The following ZNF254 variants were observed in gnomAD, a reference collection of about 807,000 sequenced individuals.
The protein encoded by ZNF254 is zinc finger protein 254, also known as CTD-2017D11.1.
Under a neutral mutation model 12.4 loss-of-function variants are expected in ZNF254, and 10 were observed. The ratio of observed to expected loss-of-function variants is 0.80; its 90% CI spans 0.50 to 1.36. ZNF254 has a LOEUF of 1.36. Among genes scored for constraint, ZNF254 ranks in the 40% most tolerant of loss-of-function variants. ZNF254 has a pLI of 0.00. For missense variants in ZNF254, 996 were observed against 763.9 expected, an observed-to-expected ratio of 1.30 and a Z score of -3.58; for synonymous variants, 305 against 253.4, an observed-to-expected ratio of 1.20 and a Z score of -1.93.
chr19:24,119,633 T>G (rs910528812), intron 3 of ZNF254, among the ~76,000 whole-genome samples: 7 of 152,068 alleles, frequency 4.6e-5, no homozygotes, highest in African/African-American at 1.4e-4. Flanking sequence ...GGGTTACAAG[T>G]GTGTAGCTTC....
Position 24,113,507 on chromosome 19 carries a change from A to G in ZNF254, c.253+6864A>G, listed in dbSNP as rs547990091. ...TGACACTTCATGCTAAAAACTCTCAATAAATTAGGTATTGATGTGACGTAT... is the reference window on the plus strand; with the variant it reads ...TGACACTTCATGCTAAAAACTCTCAGTAAATTAGGTATTGATGTGACGTAT... On this transcript the variant is annotated intron_variant, in intron 3 of 3. Coordinates refer to ENST00000357002, the MANE Select transcript of ZNF254 (RefSeq NM_203282.4). Among the ~76,000 whole-genome samples, 5 of 152,304 alleles carry G rather than the reference A, an allele frequency of 3.3e-5. No individual in the cohort carries two copies. The South Asian group carries it at 8.3e-4, about 25-fold the overall frequency.
chr19:24,118,435 T>A (rs1974258968), intron 3 of ZNF254, among the ~76,000 whole-genome samples: 2 of 152,164 alleles, frequency 1.3e-5, no homozygotes, highest in South Asian at 4.1e-4. Context: ...GGATTTTCTT[T>A]TTCGTTGTGA....
At chr19:24,122,214 C>T (rs1488703856) in intron 3 of ZNF254, among the ~76,000 whole-genome samples, 1 of 151,940 alleles carries the variant, frequency 6.6e-6, no homozygotes, top group Non-Finnish European at 1.5e-5. Context: ...ATACTGACTA[C>T]CACTTTTTTC....
chr19:24,102,350 G>T (rs2145778477), intron 1 of ZNF254, among the ~76,000 whole-genome samples: 1 of 150,552 alleles, frequency 6.6e-6, no homozygotes, highest in East Asian at 1.9e-4. Context: ...GGGCAATGGG[G>T]CTAAAAAAGA....
chr19:24,055,207 A>AG (rs1970798526), intron 2 of ZNF254, among the ~76,000 whole-genome samples: 1 of 125,742 alleles, frequency 8.0e-6, no homozygotes, highest in Non-Finnish European at 1.8e-5. Context: ...TGTCTCACCA[A>AG]AAAAAAAAAA....
intron 1 of ZNF254, among the ~76,000 whole-genome samples, chr19:24,097,689 G>C (rs997751364): frequency 1.3e-5 from 2 of 151,992 alleles, no homozygotes; most frequent in Non-Finnish European, 2.9e-5. Flanking sequence ...GCTGAGGCAG[G>C]ATAGTTGCTT....
At chr19:24,038,023 A>T (rs753067284) in intron 1 of ZNF254, among the ~76,000 whole-genome samples, 6 of 152,226 alleles carry the variant, frequency 3.9e-5, no homozygotes, top group Non-Finnish European at 7.3e-5. Flanking sequence ...CTGGGATTAC[A>T]AGCGTGAGCC....
intron 2 of ZNF254, among the ~76,000 whole-genome samples, chr19:24,081,589 C>T (rs1284506478): frequency 1.3e-5 from 2 of 152,074 alleles, no homozygotes; most frequent in African/African-American, 4.8e-5. Context: ...AACCAGGTAA[C>T]CCAGGCCTGT....
intron 3 of ZNF254, among the ~76,000 whole-genome samples, chr19:24,122,573 G>A (rs529841498): frequency 9.5e-4 from 145 of 151,948 alleles, no homozygotes; most frequent in Non-Finnish European, 1.8e-3. Flanking sequence ...TCTGTTCTTT[G>A]TTTCTAAGAG....
At chr19:24,100,356 G>C (rs570256996) in intron 1 of ZNF254, among the ~76,000 whole-genome samples, 1 of 145,560 alleles carries the variant, frequency 6.9e-6, no homozygotes, top group Admixed American at 7.0e-5. Flanking sequence ...TAAATCTGCA[G>C]CTCTGAATTC....
chr19:24,045,667 CAA>C (rs35872820), intron 1 of ZNF254, among the ~76,000 whole-genome samples: 33 of 88,774 alleles, frequency 3.7e-4, no homozygotes, highest in East Asian at 9.1e-4. Context: ...GACTCTGTCT[CAA>C]AAAAAAAAAA....
intron 2 of ZNF254, among the ~76,000 whole-genome samples, chr19:24,055,545 G>A (rs375356580): frequency 4.6e-5 from 7 of 152,072 alleles, no homozygotes; most frequent in African/African-American, 1.7e-4. Context: ...CCAAAGTGCT[G>A]GGATTACAGG....
Position 24,127,689 on chromosome 19 carries a change from C to T in ZNF254, c.1689C>T (p.Asn563=), listed in dbSNP as rs772395178. 1.3e-6 allele frequency: 2 copies of T among 1,588,298 alleles called. No homozygotes were observed. The change falls in exon 4 of 4, where the codon AAC becomes AAT. Residue 563 remains asparagine, a synonymous_variant. Coordinates refer to ENST00000357002, the MANE Select transcript of ZNF254 (RefSeq NM_203282.4). ...TTAAGCAGTCTTCAATCCTTACTAA[C>T]CATAAGAGAATTCATACTGGAGAGA... ...KAFKQSSILT[N]HKRIHTGEKP...
At chr19:24,081,314 A>G (rs1272260979) in intron 2 of ZNF254, among the ~76,000 whole-genome samples, 1 of 152,134 alleles carries the variant, frequency 6.6e-6, no homozygotes, top group African/African-American at 2.4e-5. Flanking sequence ...TTCAGTAGAT[A>G]AAGCCAATAA....
chr19:24,048,003 C>CTTCTTTTTTTTTTTTTTTTTTTTTTT (rs1970467576), intron 2 of ZNF254, among the ~76,000 whole-genome samples: 1 of 68,810 alleles, frequency 1.5e-5, no homozygotes, highest in African/African-American at 6.1e-5. Context: ...TTCTTTTCTT[C>CTTCTTTTTTTTTTTTTTTTTTTTTTT]TTTTTTTTTT....
At chr19:24,090,943 A>ATTTTTTT (rs869068959) in intron 1 of ZNF254, among the ~76,000 whole-genome samples, 13 of 89,622 alleles carry the variant, frequency 1.5e-4, no homozygotes, top group Non-Finnish European at 2.1e-4. Flanking sequence ...TGGAGGAGTG[A>ATTTTTTT]TTTTTTTTTT....
intron 2 of ZNF254, among the ~76,000 whole-genome samples, chr19:24,048,270 G>A (rs1034388592): frequency 1.9e-4 from 29 of 152,184 alleles, no homozygotes; most frequent in African/African-American, 6.7e-4. Flanking sequence ...TTAGAGGCCG[G>A]CCACTGAGGT....
chr19:24,095,987 T>G (rs1972645322), intron 1 of ZNF254, among the ~76,000 whole-genome samples: 1 of 152,040 alleles, frequency 6.6e-6, no homozygotes, highest in Non-Finnish European at 1.5e-5. Flanking sequence ...ATTTGAGCAT[T>G]AAATGCTATA....
chr19:24,071,905 T>C (rs1320667910), intron 2 of ZNF254, among the ~76,000 whole-genome samples: 1 of 152,176 alleles, frequency 6.6e-6, no homozygotes, highest in Non-Finnish European at 1.5e-5. Context: ...CACCTAGGTG[T>C]TGGACTCAGC....
Sources: gnomAD v4.1 joint callset for allele counts (sites outside exome capture counted in the v4.1 genomes callset) on GRCh38, gnomAD v4.1.1 for gene constraint, MANE v1.5 for transcripts, NCBI Gene and HGNC (gene_info 2026-07-23, HGNC 2026-07-21) for gene names.